NFIA: variants seen among roughly 807,000 people sequenced by gnomAD.
NFIA encodes nuclear factor 1 A-type.
NFIA carries 8 observed loss-of-function variants against 62.8 expected under a neutral mutation model. The ratio of observed to expected loss-of-function variants is 0.13; its 90% CI spans 0.07 to 0.23. The LOEUF (loss-of-function observed/expected upper bound fraction) is 0.23. Ranked by LOEUF, NFIA falls within the 10% of genes least tolerant of loss-of-function variation. The pLI, the probability that NFIA is intolerant of heterozygous loss-of-function variation, is 1.00. For missense variants in NFIA, 410 were observed against 642.1 expected (o/e 0.64, Z 3.91); for synonymous variants, 235 against 238.1 (o/e 0.99, Z 0.12).
chr1:61,241,271 A>G lies in NFIA; in HGVS notation c.560-36249A>G, dbSNP rs552228861. 1.3e-3 allele frequency among the ~76,000 whole-genome samples: 202 copies of G among 152,152 alleles called. 5 individuals are homozygous for G. In the South Asian group the frequency reaches 0.023, roughly 17 times the overall value. Reference sequence around the variant, plus strand: ...TCCTTATACCTTCCACTTTCCTACTAACTGGTGCCCCTCTGACATTGTTTC... The same window carrying G: ...TCCTTATACCTTCCACTTTCCTACTGACTGGTGCCCCTCTGACATTGTTTC... On this transcript the variant is annotated intron_variant, in intron 2 of 10. Transcript: ENST00000403491.
chr1:61,331,027 G>A (rs916456392), intron 3 of NFIA, among the ~76,000 whole-genome samples: 31 of 152,116 alleles, frequency 2.0e-4, no homozygotes, highest in African/African-American at 2.4e-5. Flanking sequence ...TAACTTCTCA[G>A]TTCTCTTAAT....
chr1:61,119,073 T>G (rs1646842756), intron 2 of NFIA, among the ~76,000 whole-genome samples: 1 of 152,190 alleles, frequency 6.6e-6, no homozygotes, highest in South Asian at 2.1e-4. Flanking sequence ...GAAAAATTAT[T>G]ACAATAAATT....
rs188808338 is a variant in NFIA at position 61,146,275 on chromosome 1, C to T, written c.559+57595C>T. Among the ~76,000 whole-genome samples, 9 of 152,218 alleles carry T rather than the reference C, an allele frequency of 5.9e-5. No homozygotes were observed. In the East Asian group the frequency reaches 1.7e-3, roughly 29 times the overall value. ...TCTACCTCAAGATCTTCAACTTGAT[C>T]ACAGCTGCAGAGTCCCTTTTGTTGT... On this transcript the variant is annotated intron_variant, in intron 2 of 10. Coordinates refer to ENST00000403491, the MANE Select transcript of NFIA (RefSeq NM_001134673.4).
intron 6 of NFIA, 59 bp downstream of exon 6, chr1:61,359,333 G>A (rs937034470): frequency 1.9e-6 from 3 of 1,609,332 alleles, no homozygotes; most frequent in Non-Finnish European, 2.5e-6. Flanking sequence ...AATACGTGTG[G>A]GGTCCCATGC....
chr1:61,314,207 A>G (rs1355467043), intron 3 of NFIA, among the ~76,000 whole-genome samples: 1 of 152,104 alleles, frequency 6.6e-6, no homozygotes, highest in African/African-American at 2.4e-5. Context: ...TCACTAGTTT[A>G]ATGCCCCCCT....
chr1:61,110,320 C>T (rs139377521), intron 2 of NFIA, among the ~76,000 whole-genome samples: 91 of 150,380 alleles, frequency 6.1e-4, no homozygotes, highest in African/African-American at 1.8e-3. Flanking sequence ...CAGTGCTTGT[C>T]GAGGGGTAAA....
chr1:61,099,574 G>C (rs565696718), intron 2 of NFIA, among the ~76,000 whole-genome samples: 2 of 152,000 alleles, frequency 1.3e-5, no homozygotes, highest in Non-Finnish European at 2.9e-5. Context: ...AAAATTTTTT[G>C]GTCCTTTTTA....
chr1:61,104,483 A>G (rs1451674027), intron 2 of NFIA, among the ~76,000 whole-genome samples: 1 of 152,092 alleles, frequency 6.6e-6, no homozygotes, highest in African/African-American at 2.4e-5. Flanking sequence ...ACGGAAATGC[A>G]CCCACATATG....
chr1:61,400,278 T>C (rs550568277), intron 7 of NFIA, among the ~76,000 whole-genome samples: 2 of 152,316 alleles, frequency 1.3e-5, no homozygotes, highest in African/African-American at 4.8e-5. Flanking sequence ...CTGATCAAAT[T>C]TCCTTCCTTC....
At position 61,460,314 on chromosome 1, in the gene NFIA, A is replaced by G. The variant is rs1190211971; in HGVS notation, c.*4994A>G. On this transcript the variant is annotated 3_prime_UTR_variant, in exon 11 of 11. Transcript: ENST00000403491. ...AGTGGGATGAAAATTGCTTTGATAT[A>G]TAGCAGGTAACATTGAAGCTATTCC... 2.0e-5 allele frequency: 3 copies of G among 152,250 alleles called. No individual in the cohort carries two copies. Among genetic ancestry groups the G allele is most frequent in the Non-Finnish European group, 4.4e-5 (3 of 68,044 alleles). 9.4% of individuals were successfully genotyped at this position (152,250 alleles called of 1,614,324 possible). A position where few individuals can be genotyped will look rare whatever the true frequency, so the allele number is the denominator to read the frequency against.
At chr1:61,350,966 T>A (rs1284396156) in intron 4 of NFIA, among the ~76,000 whole-genome samples, 1 of 152,212 alleles carries the variant, frequency 6.6e-6, no homozygotes, top group Non-Finnish European at 1.5e-5. Flanking sequence ...CAATTTACAA[T>A]GATTCCACTT....
At chr1:61,326,241 T>C (rs547292796) in intron 3 of NFIA, among the ~76,000 whole-genome samples, 5 of 152,256 alleles carry the variant, frequency 3.3e-5, no homozygotes, top group African/African-American at 1.2e-4. Flanking sequence ...ATATGAACCA[T>C]AAAGGGAACA....
intron 3 of NFIA, among the ~76,000 whole-genome samples, chr1:61,300,451 A>G (rs1383996589): frequency 6.6e-6 from 1 of 152,120 alleles, no homozygotes; most frequent in Non-Finnish European, 1.5e-5. Context: ...ACTTACTTAT[A>G]TTATACAAAA....
intron 2 of NFIA, among the ~76,000 whole-genome samples, chr1:61,096,849 C>G (rs1288275120): frequency 3.3e-5 from 5 of 151,980 alleles, no homozygotes; most frequent in Non-Finnish European, 5.9e-5. Flanking sequence ...CCGCGCCTGG[C>G]GACAAGATTA....
chr1:61,141,070 G>A (rs1043979697), intron 2 of NFIA, among the ~76,000 whole-genome samples: 7 of 139,882 alleles, frequency 5.0e-5, no homozygotes, highest in African/African-American at 1.8e-4. Context: ...ATCATATTAT[G>A]TGACGGGCAG....
intron 3 of NFIA, among the ~76,000 whole-genome samples, chr1:61,331,111 T>C (rs1661278671): frequency 6.6e-6 from 1 of 152,154 alleles, no homozygotes; most frequent in South Asian, 2.1e-4. Flanking sequence ...AGAGGTGAAA[T>C]TTCTTGAGCA....
chr1:61,229,548 C>A (rs1343515386), intron 2 of NFIA, among the ~76,000 whole-genome samples: 1 of 152,090 alleles, frequency 6.6e-6, no homozygotes, highest in Non-Finnish European at 1.5e-5. Flanking sequence ...GATGTCATCT[C>A]AAAGAGAAAT....
At chr1:61,399,710 G>A (rs1665455765) in intron 7 of NFIA, among the ~76,000 whole-genome samples, 1 of 152,138 alleles carries the variant, frequency 6.6e-6, no homozygotes, top group African/African-American at 2.4e-5. Context: ...AAAAATGCAA[G>A]ATTCCAAGCT....
chr1:61,125,752 A>G (rs1224136313), intron 2 of NFIA, among the ~76,000 whole-genome samples: 1 of 152,210 alleles, frequency 6.6e-6, no homozygotes, highest in African/African-American at 2.4e-5. Flanking sequence ...AGGGAGATAG[A>G]TGAAAGTAAA....
Sources: allele counts gnomAD v4.1 joint callset (sites outside exome capture counted in the v4.1 genomes callset), GRCh38; gene constraint gnomAD v4.1.1; transcripts MANE v1.5; gene names NCBI Gene and HGNC (gene_info 2026-07-23, HGNC 2026-07-21).